Variants in SEPSECS observed in about 807,000 individuals in gnomAD.
The protein encoded by SEPSECS is Sep (O-phosphoserine) tRNA:Sec (selenocysteine) tRNA synthase, also known as O-phosphoseryl-tRNA(Sec) selenium transferase.
Under a neutral mutation model 52.1 loss-of-function variants are expected in SEPSECS, and 42 were observed. The ratio of observed to expected loss-of-function variants is 0.81; its 90% confidence interval spans 0.63 to 1.04. The LOEUF (loss-of-function observed/expected upper bound fraction) is 1.04. Ranked by LOEUF, SEPSECS falls within the 50% of genes least tolerant of loss-of-function variation. The pLI, the probability that SEPSECS is intolerant of heterozygous loss-of-function variation, is 0.00. For synonymous variants in SEPSECS, 216 were observed against 211.4 expected (o/e 1.02, Z -0.19); for missense variants, 590 against 610.6 (o/e 0.97, Z 0.36).
At chr4:25,144,091 A>C (rs1711794716) in intron 8 of SEPSECS, among the ~76,000 whole-genome samples, 1 of 152,188 alleles carries the variant, frequency 6.6e-6, no homozygotes, top group South Asian at 2.1e-4. Flanking sequence ...CTGTAATCCC[A>C]GCACTTTGGG....
At chr4:25,136,272 T>C (rs1051939130) in intron 8 of SEPSECS, among the ~76,000 whole-genome samples, 3 of 152,170 alleles carry the variant, frequency 2.0e-5, no homozygotes, top group African/African-American at 7.2e-5. Context: ...CTGTCTCTGG[T>C]TGCAGATGAC....
chr4:25,154,116 T>C (rs966447652), intron 5 of SEPSECS, among the ~76,000 whole-genome samples: 5 of 152,108 alleles, frequency 3.3e-5, no homozygotes, highest in African/African-American at 1.2e-4. Flanking sequence ...ACAAAGCATA[T>C]GAAAAGTAAT....
At chr4:25,139,458 C>T (rs1708730970) in intron 8 of SEPSECS, among the ~76,000 whole-genome samples, 1 of 139,396 alleles carries the variant, frequency 7.2e-6, no homozygotes, top group Admixed American at 7.8e-5. Flanking sequence ...GCAATCTCAG[C>T]TCACTGCAAC....
At chr4:25,159,401 G>A (rs1712905615) in intron 1 of SEPSECS, 1 of 381,558 alleles carries the variant, frequency 2.6e-6, no homozygotes, top group South Asian at 2.8e-5. Context: ...CACATCCCCA[G>A]TGAAGATGCT....
chr4:25,157,673 T>C (rs1005128336), intron 2 of SEPSECS, among the ~76,000 whole-genome samples: 13 of 152,064 alleles, frequency 8.5e-5, no homozygotes, highest in Non-Finnish European at 1.6e-4. Context: ...GCCTCCCGTG[T>C]AGCTGGGACT....
At position 25,151,708 on chromosome 4, in the gene SEPSECS, T is replaced by A. The variant is rs376932108; in HGVS notation, c.804+252A>T. Among the ~76,000 whole-genome samples the A allele has an allele frequency of 3.3e-5, 5 of 152,124 alleles. 1 individual carries two copies. Among genetic ancestry groups the A allele is most frequent in the Admixed American group, 2.6e-4 (4 of 15,276 alleles). On this transcript the variant is annotated intron_variant, in intron 6 of 10. Coordinates refer to ENST00000382103, the MANE Select transcript of SEPSECS (RefSeq NM_016955.4). The stretch of plus-strand genomic sequence containing the variant: ...CAGGTAATGAAACAGTCTCAGAAAG[T>A]TAAAAGCTAAACTACTAAAGTATTT...
chr4:25,124,371 CTG>C, intron 10 of SEPSECS, 146 bp from the exon 11 acceptor site: 1 of 703,992 alleles, frequency 1.4e-6, no homozygotes, highest in African/African-American at 1.8e-5. Context: ...CAAAAATAGA[CTG>C]TATCGACTTT....
At chr4:25,160,094 C>A (rs971175261) in intron 1 of SEPSECS, 162 bp downstream of exon 1, 9 of 985,330 alleles carry the variant, frequency 9.1e-6, no homozygotes, top group Non-Finnish European at 6.0e-6. Flanking sequence ...GCTGAGAAGG[C>A]ACAGACCGCA....
intron 2 of SEPSECS, among the ~76,000 whole-genome samples, chr4:25,158,536 C>T (rs1712830298): frequency 6.7e-6 from 1 of 148,308 alleles, no homozygotes; most frequent in African/African-American, 2.5e-5. Context: ...AGTTTAAACA[C>T]AGTTTAAAAC....
intron 4 of SEPSECS, 143 bp from the exon 5 acceptor site, chr4:25,155,294 G>C (rs958142244): frequency 4.6e-6 from 4 of 860,908 alleles, no homozygotes; most frequent in Non-Finnish European, 7.4e-6. Flanking sequence ...ATAAATACAC[G>C]GCTCAGTACT....
chr4:25,146,975 A>G (rs137868175), intron 6 of SEPSECS, among the ~76,000 whole-genome samples: 2 of 152,274 alleles, frequency 1.3e-5, no homozygotes, highest in South Asian at 2.1e-4. Flanking sequence ...TGATCATACC[A>G]AAAACAAAAT....
chr4:25,141,616 C>T (rs1711554046), intron 8 of SEPSECS, among the ~76,000 whole-genome samples: 1 of 152,162 alleles, frequency 6.6e-6, no homozygotes, highest in South Asian at 2.1e-4. Context: ...ATAGAAGGCT[C>T]CTAACAGGTA....
intron 1 of SEPSECS, chr4:25,160,007 G>T (rs902672575): frequency 4.1e-6 from 4 of 985,388 alleles, no homozygotes; most frequent in Non-Finnish European, 4.8e-6. Context: ...CCCGAAGTTA[G>T]AAACAGCGGG....
At position 25,123,969 on chromosome 4, in the gene SEPSECS, T is replaced by A; in HGVS notation, c.1468A>T (p.Asn490Tyr). The change falls in exon 11 of 11, where the codon AAT (asparagine) becomes TAT (tyrosine). Residue 490 changes from asparagine to tyrosine, a missense_variant. Transcript: ENST00000382103. ...TCCTGGTATGTGTCAAGAAGTACAT[T>A]ATCTAGTTTTAAAGCCATTTCTTCA... is the stretch of plus-strand genomic sequence containing the variant. The part of the protein sequence containing the change: ...DIEEMALKLD[N>Y]VLLDTYQDAS... 6.2e-7 allele frequency: 1 copy of A among 1,613,560 alleles called. No homozygotes were observed. Among genetic ancestry groups the A allele is most frequent in the Non-Finnish European group, 8.5e-7 (1 of 1,179,544 alleles).
At chr4:25,159,324 T>C (rs1444186839) in intron 1 of SEPSECS, among the ~76,000 whole-genome samples, 1 of 152,160 alleles carries the variant, frequency 6.6e-6, no homozygotes, top group Non-Finnish European at 1.5e-5. Flanking sequence ...TGATGATAAA[T>C]GCATACAATG....
intron 4 of SEPSECS, among the ~76,000 whole-genome samples, chr4:25,155,713 T>C (rs1267870502): frequency 6.6e-6 from 1 of 152,216 alleles, no homozygotes; most frequent in East Asian, 1.9e-4. Flanking sequence ...AAAAGCCTCC[T>C]ATGAAAACAA....
At chr4:25,128,091 T>C (rs931105802) in intron 8 of SEPSECS, among the ~76,000 whole-genome samples, 4 of 152,182 alleles carry the variant, frequency 2.6e-5, no homozygotes, top group Non-Finnish European at 5.9e-5. Context: ...CCAGTCTCCT[T>C]CCAGCATATT....
At chr4:25,131,191 C>T (rs1191648927) in intron 8 of SEPSECS, among the ~76,000 whole-genome samples, 4 of 152,034 alleles carry the variant, frequency 2.6e-5, no homozygotes, top group South Asian at 2.1e-4. Flanking sequence ...TCATGAAATC[C>T]GACATCTAGC....
At chr4:25,125,529 C>A in intron 10 of SEPSECS, 165 bp downstream of exon 10, 1 of 655,244 alleles carries the variant, frequency 1.5e-6, no homozygotes, top group East Asian at 2.7e-5. Flanking sequence ...CACAGGTGGG[C>A]ATACAGTAGC....
Sources: gnomAD v4.1 joint callset for allele counts (sites outside exome capture counted in the v4.1 genomes callset) on GRCh38, gnomAD v4.1.1 for gene constraint, MANE v1.5 for transcripts, NCBI Gene and HGNC (gene_info 2026-07-23, HGNC 2026-07-21) for gene names.